The following TNR variants were observed in gnomAD, a reference collection of about 807,000 sequenced individuals.
TNR encodes the protein tenascin R.
In TNR, 45 loss-of-function variants were observed where a neutral mutation model predicts 150.4. That is an observed-to-expected ratio of 0.30 (90% CI 0.24 to 0.38). The LOEUF (loss-of-function observed/expected upper bound fraction) is 0.38, where lower values mean the gene tolerates loss of function less well. Among genes scored for constraint, TNR ranks in the 10% least tolerant of loss-of-function variants. The probability of loss-of-function intolerance (pLI) is 1.00; values close to 1 mark genes in which losing one functional copy is unlikely to be tolerated. For missense variants in TNR, 1,544 were observed against 1,759.1 expected, an observed-to-expected ratio of 0.88 and a Z score of 2.19; for synonymous variants, 687 against 678.4, an observed-to-expected ratio of 1.01 and a Z score of -0.20.
chr1:175,692,305 G>A (rs967472809), intron 1 of TNR, among the ~76,000 whole-genome samples: 1 of 152,176 alleles, frequency 6.6e-6, no homozygotes, highest in African/African-American at 2.4e-5. Flanking sequence ...CTTGGGACAT[G>A]GTCTTGTGCA....
At chr1:175,477,342 A>G (rs1471643951) in intron 2 of TNR, among the ~76,000 whole-genome samples, 1 of 152,074 alleles carries the variant, frequency 6.6e-6, no homozygotes, top group Non-Finnish European at 1.5e-5. Flanking sequence ...TTGCTGATGA[A>G]ATTTTCTGGG....
intron 1 of TNR, among the ~76,000 whole-genome samples, chr1:175,570,527 A>G (rs1661823280): frequency 6.6e-6 from 1 of 152,142 alleles, no homozygotes; most frequent in Non-Finnish European, 1.5e-5. Flanking sequence ...CCCAAAGACT[A>G]GGGTACCAAG....
intron 1 of TNR, among the ~76,000 whole-genome samples, chr1:175,628,048 G>A (rs10913033): frequency 0.26 from 40,109 of 152,024 alleles, 6,030 homozygotes; most frequent in East Asian, 0.5. Context: ...GAAGGCAGGT[G>A]AAAAAGCTTA....
At chr1:175,497,094 G>T (rs1658518489) in intron 2 of TNR, among the ~76,000 whole-genome samples, 1 of 152,214 alleles carries the variant, frequency 6.6e-6, no homozygotes, top group Admixed American at 6.5e-5. Flanking sequence ...GATACTAATT[G>T]CATGGCTGTC....
At chr1:175,652,641 C>T (rs1380756839) in intron 1 of TNR, among the ~76,000 whole-genome samples, 1 of 152,036 alleles carries the variant, frequency 6.6e-6, no homozygotes, top group Non-Finnish European at 1.5e-5. Context: ...TGGCACTTCC[C>T]CGTTAGCTCT....
chr1:175,330,051 G>T (rs767985845), intron 21 of TNR, 23 bp downstream of exon 21: 27 of 1,531,932 alleles, frequency 1.8e-5, no homozygotes, highest in Non-Finnish European at 2.3e-5. Context: ...TGTCCTTGGG[G>T]TCTGCTCAGG....
chr1:175,352,754 A>G (rs1410431249), intron 18 of TNR, among the ~76,000 whole-genome samples: 1 of 152,224 alleles, frequency 6.6e-6, no homozygotes, highest in Non-Finnish European at 1.5e-5. Context: ...GTGCTCATTT[A>G]AGATACTTTG....
At chr1:175,475,561 C>A (rs969352966) in intron 2 of TNR, among the ~76,000 whole-genome samples, 5 of 152,234 alleles carry the variant, frequency 3.3e-5, no homozygotes, top group Non-Finnish European at 5.9e-5. Flanking sequence ...ATGCAAAATT[C>A]TTACAGTTCT....
intron 1 of TNR, among the ~76,000 whole-genome samples, chr1:175,614,249 TGA>T (rs1002270128): frequency 6.6e-6 from 1 of 152,222 alleles, no homozygotes; most frequent in African/African-American, 2.4e-5. Context: ...GAAAAGATTA[TGA>T]TACCTATGTA....
chr1:175,473,996 C>A (rs908864327), intron 2 of TNR, among the ~76,000 whole-genome samples: 2 of 152,148 alleles, frequency 1.3e-5, no homozygotes. Flanking sequence ...AGAGGGGTAT[C>A]ATTTTAGGAA....
intron 1 of TNR, among the ~76,000 whole-genome samples, chr1:175,718,641 C>T (rs775317499): frequency 1.3e-5 from 2 of 152,166 alleles, no homozygotes; most frequent in Non-Finnish European, 2.9e-5. Flanking sequence ...TCATTCCATC[C>T]TAAATAGACA....
At chr1:175,588,315 G>A (rs756934462) in intron 1 of TNR, among the ~76,000 whole-genome samples, 10 of 152,174 alleles carry the variant, frequency 6.6e-5, no homozygotes, top group Non-Finnish European at 1.3e-4. Context: ...AAAGATGTTG[G>A]ATGATATGAA....
chr1:175,335,411 T>C, intron 20 of TNR: 1 of 276,500 alleles, frequency 3.6e-6, no homozygotes, highest in African/African-American at 2.2e-5. Context: ...TGTTGCTCCC[T>C]GTGCCCCTCA....
At chr1:175,486,856 G>A (rs141517847) in intron 2 of TNR, among the ~76,000 whole-genome samples, 1,912 of 152,268 alleles carry the variant, frequency 0.013, 30 homozygotes, top group African/African-American at 0.043. Flanking sequence ...GTTTTGATTT[G>A]CATTTCTCTA....
chr1:175,444,406 G>C (rs1022715225), intron 2 of TNR, among the ~76,000 whole-genome samples: 7 of 152,178 alleles, frequency 4.6e-5, no homozygotes, highest in Admixed American at 2.6e-4. Context: ...CAAGAAAGAG[G>C]TGCACATGAA....
Position 175,323,264 on chromosome 1 carries a change from A to C in TNR, c.*93T>G, listed in dbSNP as rs972895532. 8.5e-6 allele frequency: 13 copies of C among 1,520,896 alleles called. No homozygotes were observed. The highest frequency in any genetic ancestry group is 1.2e-5 in the Non-Finnish European group (13 of 1,116,564). The allele number at this position is 1,520,896 out of a possible 1,614,324, so 94.2% of individuals were successfully genotyped here. Reference sequence around the variant, plus strand: ...CCTTCACATACTCTTAATATGTTGCAAAACACATTGCTATTACCCTCCCCC... The same window carrying C: ...CCTTCACATACTCTTAATATGTTGCCAAACACATTGCTATTACCCTCCCCC... On this transcript the variant is annotated 3_prime_UTR_variant, in exon 23 of 23. Coordinates refer to ENST00000367674, the MANE Select transcript of TNR (RefSeq NM_003285.3).
In TNR at chr1:175,335,750, G is replaced by C. The variant is rs769675119; in HGVS notation, c.3592C>G (p.Arg1198Gly). ...TDFFRKWADY[R>G]VGFGNVEDEF... ...TCCTCCACGTTCCCGAAGCCAACACGGTAATCAGCCCATTTCCGGAAAAAA... is the reference window on the plus strand; with the variant it reads ...TCCTCCACGTTCCCGAAGCCAACACCGTAATCAGCCCATTTCCGGAAAAAA... Residue 1198 changes from arginine (R) to glycine (G), a missense_variant, in exon 20 of 23, where the codon CGT becomes GGT. This residue lies in a region of TNR where 290 missense variants were observed against 429.7 expected (regional missense o/e 0.67). Transcript: ENST00000367674. 2 of 1,613,986 alleles carry C rather than the reference G, an allele frequency of 1.2e-6. No homozygotes were observed. Among genetic ancestry groups the C allele is most frequent in the African/African-American group, 1.3e-5 (1 of 74,904 alleles).
intron 1 of TNR, among the ~76,000 whole-genome samples, chr1:175,661,215 C>T (rs1665360087): frequency 6.6e-6 from 1 of 152,210 alleles, no homozygotes. Context: ...AGTGGAGCCA[C>T]CCTCGCTGAG....
At chr1:175,396,458 C>T in intron 5 of TNR, 86 bp downstream of exon 5, 4 of 1,500,396 alleles carry the variant, frequency 2.7e-6, no homozygotes, top group Non-Finnish European at 3.6e-6. Context: ...CCCTGAAGAA[C>T]TAAGAAAAGA....
Sources: allele counts gnomAD v4.1 joint callset (sites outside exome capture counted in the v4.1 genomes callset), GRCh38; gene constraint gnomAD v4.1.1; regional missense constraint gnomAD v4.1.1; transcripts MANE v1.5; gene names NCBI Gene and HGNC (gene_info 2026-07-23, HGNC 2026-07-21).